Variants in BICC1 observed in about 807,000 individuals in gnomAD.
The protein encoded by BICC1 is BicC family RNA binding protein 1.
BICC1 carries 43 observed loss-of-function variants against 111.0 expected under a neutral mutation model. That is an observed-to-expected ratio of 0.39 (90% CI 0.30 to 0.50). The LOEUF (loss-of-function observed/expected upper bound fraction) is 0.50. Among genes scored for constraint, BICC1 ranks in the 20% least tolerant of loss-of-function variants. The pLI, the probability that BICC1 is intolerant of heterozygous loss-of-function variation, is 0.88. For synonymous variants in BICC1, 467 were observed against 434.4 expected, an observed-to-expected ratio of 1.07 and a Z score of -0.93; for missense variants, 1,091 against 1,203.2, an observed-to-expected ratio of 0.91 and a Z score of 1.38.
At chr10:58,738,810 T>C (rs1162986316) in intron 3 of BICC1, among the ~76,000 whole-genome samples, 1 of 151,970 alleles carries the variant, frequency 6.6e-6, no homozygotes, top group Admixed American at 6.6e-5. Context: ...TCACATCTCT[T>C]GTAAGTTGGA....
intron 3 of BICC1, among the ~76,000 whole-genome samples, chr10:58,715,258 A>G (rs949631348): frequency 4.6e-5 from 7 of 152,146 alleles, no homozygotes; most frequent in African/African-American, 7.2e-5. Context: ...CATTCCCTTT[A>G]TATCTTGTTG....
intron 2 of BICC1, chr10:58,650,043 A>G (rs1838397287): frequency 6.6e-6 from 1 of 152,198 alleles, no homozygotes; most frequent in Non-Finnish European, 1.5e-5. Flanking sequence ...ATTTCATGAA[A>G]CAATACTTAT....
chr10:58,637,074 C>T (rs779780476), intron 2 of BICC1, among the ~76,000 whole-genome samples: 8 of 150,322 alleles, frequency 5.3e-5, no homozygotes, highest in Non-Finnish European at 1.0e-4. Flanking sequence ...AAGCTGTGAT[C>T]GTAACTTTTA....
intron 1 of BICC1, among the ~76,000 whole-genome samples, chr10:58,566,177 CACACGTGTGTATATGTGT>C (rs1199591942): frequency 8.0e-5 from 12 of 150,684 alleles, no homozygotes; most frequent in Non-Finnish European, 1.5e-4. Flanking sequence ...TATACATATA[CACACGTGTGTATATGTGT>C]GTATACACAT....
At chr10:58,694,323 A>G (rs541946593) in intron 2 of BICC1, among the ~76,000 whole-genome samples, 15 of 152,320 alleles carry the variant, frequency 9.8e-5, no homozygotes, top group South Asian at 2.1e-4. Context: ...TGCAGAACTG[A>G]TAACAGCCAT....
At chr10:58,739,999 G>C (rs1023711595) in intron 3 of BICC1, among the ~76,000 whole-genome samples, 1 of 152,106 alleles carries the variant, frequency 6.6e-6, no homozygotes, top group Admixed American at 6.6e-5. Context: ...TGACCTTGTG[G>C]GTCAGATTGT....
chr10:58,735,773 A>G (rs1247294527), intron 3 of BICC1, among the ~76,000 whole-genome samples: 1 of 152,216 alleles, frequency 6.6e-6, no homozygotes, highest in Non-Finnish European at 1.5e-5. Context: ...AATGTGAAAG[A>G]TATTTACTAA....
At chr10:58,707,734 A>G (rs1589045264) in intron 3 of BICC1, among the ~76,000 whole-genome samples, 1 of 151,348 alleles carries the variant, frequency 6.6e-6, no homozygotes, top group East Asian at 1.9e-4. Flanking sequence ...TTTTGCTCTT[A>G]TTGCCCAGGC....
intron 3 of BICC1, among the ~76,000 whole-genome samples, chr10:58,765,608 A>G (rs976210076): frequency 2.0e-5 from 3 of 152,208 alleles, no homozygotes; most frequent in Non-Finnish European, 4.4e-5. Flanking sequence ...TCAAGACGGG[A>G]GAATCCCATT....
At chr10:58,525,243 C>T (rs1842500435) in intron 1 of BICC1, among the ~76,000 whole-genome samples, 4 of 114,416 alleles carry the variant, frequency 3.5e-5, no homozygotes, top group Non-Finnish European at 2.0e-5. Context: ...AATCATGCTG[C>T]TATAAAGATA....
chr10:58,724,790 G>C (rs546125710), intron 3 of BICC1, among the ~76,000 whole-genome samples: 1 of 152,154 alleles, frequency 6.6e-6, no homozygotes, highest in Non-Finnish European at 1.5e-5. Context: ...CGGTTGCCCC[G>C]GTCCTGTTGA....
chr10:58,676,218 T>A (rs1839336714), intron 2 of BICC1, among the ~76,000 whole-genome samples: 1 of 152,124 alleles, frequency 6.6e-6, no homozygotes, highest in African/African-American at 2.4e-5. Flanking sequence ...GACACCGAAC[T>A]AGCTGCAGGA....
At chr10:58,759,049 TC>T (rs2132673131) in intron 3 of BICC1, among the ~76,000 whole-genome samples, 1 of 152,104 alleles carries the variant, frequency 6.6e-6, no homozygotes, top group East Asian at 1.9e-4. Context: ...AATGTCTGTC[TC>T]CCGGGTTCAA....
intron 2 of BICC1, among the ~76,000 whole-genome samples, chr10:58,661,030 G>A (rs1177273584): frequency 6.6e-6 from 1 of 152,108 alleles, no homozygotes; most frequent in Non-Finnish European, 1.5e-5. Context: ...GGCTGTAGTG[G>A]GGTGTTGATG....
At chr10:58,627,940 G>C (rs1356706756) in intron 2 of BICC1, among the ~76,000 whole-genome samples, 1 of 152,052 alleles carries the variant, frequency 6.6e-6, no homozygotes, top group Non-Finnish European at 1.5e-5. Context: ...TATTATGTAG[G>C]CATTAAAAAT....
In BICC1 at chr10:58,624,092, T is replaced by C. The variant is rs567037641; in HGVS notation, c.237+3191T>C. The stretch of plus-strand genomic sequence containing the variant: ...GGGAGAATCTGTTCCATGCCTTTCT[T>C]TAGCTTCCCATGGTTTGCTGGTGAT... On this transcript the variant is annotated intron_variant, in intron 2 of 20. Transcript: ENST00000373886. Among the ~76,000 whole-genome samples the C allele has an allele frequency of 5.9e-5, 9 of 152,304 alleles. No homozygotes were observed. In the South Asian group the frequency reaches 1.9e-3, roughly 32 times the overall value.
intron 1 of BICC1, among the ~76,000 whole-genome samples, chr10:58,550,591 A>G (rs1011957161): frequency 6.6e-6 from 1 of 152,008 alleles, no homozygotes; most frequent in Non-Finnish European, 1.5e-5. Context: ...TTTATGATTC[A>G]TTTTGCATTG....
intron 1 of BICC1, among the ~76,000 whole-genome samples, chr10:58,602,589 C>T (rs955725501): frequency 6.6e-6 from 1 of 152,076 alleles, no homozygotes; most frequent in Non-Finnish European, 1.5e-5. Context: ...AAACTGATGG[C>T]TTAGCCCTCA....
At chr10:58,630,311 A>G (rs899437527) in intron 2 of BICC1, among the ~76,000 whole-genome samples, 7 of 152,320 alleles carry the variant, frequency 4.6e-5, no homozygotes, top group African/African-American at 1.4e-4. Context: ...GTGAAGACCC[A>G]TCCACGGAGG....
Sources: allele counts gnomAD v4.1 joint callset (sites outside exome capture counted in the v4.1 genomes callset), GRCh38; gene constraint gnomAD v4.1.1; transcripts MANE v1.5; gene names NCBI Gene and HGNC (gene_info 2026-07-23, HGNC 2026-07-21).